The following TTLL6 variants were observed in gnomAD, a reference collection of about 807,000 sequenced individuals.
TTLL6 encodes the protein tubulin polyglutamylase TTLL6.
In TTLL6, 75 loss-of-function variants were observed where a neutral mutation model predicts 96.4. That is an observed-to-expected ratio of 0.78 (90% CI 0.65 to 0.94). TTLL6 has a LOEUF of 0.94. Among genes scored for constraint, TTLL6 ranks in the 40% least tolerant of loss-of-function variants. The pLI, the probability that TTLL6 is intolerant of heterozygous loss-of-function variation, is 0.00. For synonymous variants in TTLL6, 411 were observed against 419.4 expected (o/e 0.98, Z 0.24); for missense variants, 1,030 against 1,093.0 (o/e 0.94, Z 0.81).
At chr17:48,789,729 G>T (rs2039180937) in intron 10 of TTLL6, among the ~76,000 whole-genome samples, 1 of 151,980 alleles carries the variant, frequency 6.6e-6, no homozygotes, top group Admixed American at 6.6e-5. Context: ...TAATTTTTTT[G>T]TATTTTTAGT....
rs2039331130 is a variant in TTLL6, at chr17:48,797,144, C to G, written c.829G>C (p.Asp277His). ...LRIYVLVTSC[D>H]PLRIFVYNEG... ...TTGTACACAAAAATCCTGAGAGGGT[C>G]ACAGGATGTCACCAGTACATAAATC... Residue 277 changes from aspartate to histidine, a missense_variant, in exon 7 of 16, where the codon GAC (aspartate) becomes CAC (histidine). By Grantham distance (81) the Asp-to-His change is moderately conservative. Coordinates refer to ENST00000393382, the MANE Select transcript of TTLL6 (RefSeq NM_001130918.3). The G allele has an allele frequency of 1.9e-6, 3 of 1,551,494 alleles. No homozygotes were observed. In the African/African-American group the frequency reaches 4.1e-5, roughly 21 times the overall value.
At chr17:48,774,230 G>GTTTTT (rs753077737) in intron 13 of TTLL6, among the ~76,000 whole-genome samples, 3,875 of 116,738 alleles carry the variant, frequency 0.033, 329 homozygotes, top group African/African-American at 0.063. Context: ...ATCCAGGTTT[G>GTTTTT]TTGTTTTTTT....
intron 13 of TTLL6, among the ~76,000 whole-genome samples, chr17:48,772,611 G>T (rs1353056788): frequency 6.6e-6 from 1 of 151,416 alleles, no homozygotes; most frequent in Non-Finnish European, 1.5e-5. Flanking sequence ...CGCGCCTGTA[G>T]TCCCAGCTAC....
intron 13 of TTLL6, among the ~76,000 whole-genome samples, chr17:48,777,644 T>C (rs1196968304): frequency 1.3e-5 from 2 of 151,594 alleles, no homozygotes; most frequent in Non-Finnish European, 2.9e-5. Context: ...GGCAGGAGAA[T>C]CACTTGAACC....
At chr17:48,768,842 A>G in intron 15 of TTLL6, 147 bp downstream of exon 15, 1 of 894,010 alleles carries the variant, frequency 1.1e-6, no homozygotes, top group South Asian at 1.7e-5. Context: ...GCACCCAGCC[A>G]GGGTCACATT....
At chr17:48,784,703 G>C (rs186651498) in intron 13 of TTLL6, among the ~76,000 whole-genome samples, 1 of 152,242 alleles carries the variant, frequency 6.6e-6, no homozygotes, top group East Asian at 1.9e-4. Flanking sequence ...CACTCCAGGG[G>C]ATAACCTGCC....
At chr17:48,811,989 C>A (rs528102348) in intron 1 of TTLL6, among the ~76,000 whole-genome samples, 1 of 152,104 alleles carries the variant, frequency 6.6e-6, no homozygotes, top group Admixed American at 6.5e-5. Context: ...GCGTGAGCCA[C>A]CACGCCCAGC....
At chr17:48,782,792 C>T (rs1331331013) in intron 13 of TTLL6, among the ~76,000 whole-genome samples, 1 of 152,038 alleles carries the variant, frequency 6.6e-6, no homozygotes, top group African/African-American at 2.4e-5. Context: ...TGGCTCATTG[C>T]AACCTCCGCC....
chr17:48,802,245 T>C (rs1232549881), intron 3 of TTLL6, among the ~76,000 whole-genome samples: 1 of 152,210 alleles, frequency 6.6e-6, no homozygotes, highest in Non-Finnish European at 1.5e-5. Context: ...ATGATTTCCC[T>C]GTTCTGGCTT....
chr17:48,769,820 A>G lies in TTLL6; in HGVS notation c.2318T>C (p.Ile773Thr), dbSNP rs768295057. 6.2e-7 allele frequency: 1 copy of G among 1,614,262 alleles called. No individual in the cohort carries two copies. The highest frequency in any genetic ancestry group is 8.5e-7 in the Non-Finnish European group (1 of 1,180,046). Residue 773 changes from isoleucine (I) to threonine (T), a missense_variant, in exon 14 of 16, where the codon ATA becomes ACA. Physicochemically the swap from Ile to Thr is moderately conservative, Grantham distance 89. Transcript: ENST00000393382. ...TTGAAGCTTGGTGAGTAGCTCGGATATCAAATGTGGCTTGTTCATGTCACT... is the reference window on the plus strand; with the variant it reads ...TTGAAGCTTGGTGAGTAGCTCGGATGTCAAATGTGGCTTGTTCATGTCACT... ...LKSDMNKPHL[I>T]SELLTKLQLS...
At chr17:48,775,058 T>TG (rs1416375363) in intron 13 of TTLL6, among the ~76,000 whole-genome samples, 1 of 150,990 alleles carries the variant, frequency 6.6e-6, no homozygotes, top group African/African-American at 2.4e-5. Context: ...TGATTGAACC[T>TG]GGGAGACTGA....
At chr17:48,766,484 G>T (rs1027157404) in intron 15 of TTLL6, among the ~76,000 whole-genome samples, 1 of 152,110 alleles carries the variant, frequency 6.6e-6, no homozygotes, top group Non-Finnish European at 1.5e-5. Flanking sequence ...CCCTTTCTTC[G>T]TGTGGCTTCT....
At chr17:48,809,378 C>T (rs2039548230) in intron 1 of TTLL6, among the ~76,000 whole-genome samples, 1 of 152,190 alleles carries the variant, frequency 6.6e-6, no homozygotes, top group African/African-American at 2.4e-5. Flanking sequence ...CTCCCCTAGC[C>T]CTCCGCAACG....
At chr17:48,779,136 A>G (rs2038938857) in intron 13 of TTLL6, among the ~76,000 whole-genome samples, 2 of 152,024 alleles carry the variant, frequency 1.3e-5, no homozygotes, top group Admixed American at 6.6e-5. Context: ...GAAAACTTGA[A>G]TATACTTGAC....
chr17:48,817,123 C>T lies in TTLL6; in HGVS notation c.-51G>A. 8 of 1,411,492 alleles carry T rather than the reference C, an allele frequency of 5.7e-6. No individual in the cohort carries two copies. Among genetic ancestry groups the T allele is most frequent in the Non-Finnish European group, 7.7e-6 (8 of 1,044,252 alleles). 87.4% of individuals were successfully genotyped at this position (1,411,492 alleles called of 1,614,324 possible). A position where few individuals can be genotyped will look rare whatever the true frequency, so the allele number is the denominator to read the frequency against. On this transcript the variant is annotated 5_prime_UTR_variant, in exon 1 of 16. Transcript: ENST00000393382. ...ACCCGCGCTCGCCCTAACTTTGGGTCCGCCCGGCCCTCATATTTGCATACG... is the reference window on the plus strand; with the variant it reads ...ACCCGCGCTCGCCCTAACTTTGGGTTCGCCCGGCCCTCATATTTGCATACG...
chr17:48,813,852 G>A (rs1251740540), intron 1 of TTLL6, among the ~76,000 whole-genome samples: 1 of 152,114 alleles, frequency 6.6e-6, no homozygotes, highest in Admixed American at 6.6e-5. Flanking sequence ...TTTAGAGGAG[G>A]TTTTGAACTC....
Position 48,789,965 on chromosome 17 carries a change from G to A in TTLL6, c.1366C>T (p.Gln456Ter). The A allele has an allele frequency of 3.1e-6, 5 of 1,614,176 alleles. No homozygotes were observed. The highest frequency in any genetic ancestry group is 4.2e-6 in the Non-Finnish European group (5 of 1,180,036). The part of the protein sequence containing the change: ...KVLEEERQRG[Q>*]FLQQCCSREM... ...CGAGAACAACACTGCTGCAGGAACT[G>A]CCCCCGTTGTCTCTCCTCCTCCAAG... The change falls in exon 10 of 16, where the codon CAG (glutamine) becomes TAG (stop). Residue 456 changes from glutamine (Q) to a stop codon, truncating the protein, a stop_gained. Transcript: ENST00000393382. LOFTEE classifies it high-confidence loss of function.
intron 15 of TTLL6, among the ~76,000 whole-genome samples, chr17:48,768,047 T>C (rs2143167116): frequency 6.6e-6 from 1 of 152,284 alleles, no homozygotes; most frequent in South Asian, 2.1e-4. Flanking sequence ...GCAAAGTGCC[T>C]AGTGGGGGCA....
chr17:48,777,393 G>C (rs958888536), intron 13 of TTLL6, among the ~76,000 whole-genome samples: 2 of 152,182 alleles, frequency 1.3e-5, no homozygotes, highest in South Asian at 4.2e-4. Context: ...TCAGGAGTTC[G>C]AGACCAGCCT....
Sources: gnomAD v4.1 joint callset for allele counts (sites outside exome capture counted in the v4.1 genomes callset) on GRCh38, gnomAD v4.1.1 for gene constraint, MANE v1.5 for transcripts, NCBI Gene and HGNC (gene_info 2026-07-23, HGNC 2026-07-21) for gene names.